Variants in SMAD3 observed in about 807,000 individuals in gnomAD.
SMAD3 encodes MAD homolog 3.
In SMAD3, 12 loss-of-function variants were observed where a neutral mutation model predicts 51.8. The observed-to-expected ratio is 0.23, with a 90% CI of 0.15 to 0.38. The LOEUF (loss-of-function observed/expected upper bound fraction) is 0.38, where lower values mean the gene tolerates loss of function less well. Among genes scored for constraint, SMAD3 ranks in the 10% least tolerant of loss-of-function variants. The pLI is 1.00. For missense variants in SMAD3, 294 were observed against 565.6 expected, an observed-to-expected ratio of 0.52 and a Z score of 4.87; for synonymous variants, 238 against 227.7, an observed-to-expected ratio of 1.05 and a Z score of -0.41.
intron 1 of SMAD3, among the ~76,000 whole-genome samples, chr15:67,126,446 G>A (rs1961390320): frequency 6.6e-6 from 1 of 152,138 alleles, no homozygotes; most frequent in African/African-American, 2.4e-5. Flanking sequence ...AACTCTTGGG[G>A]TACAGTCTGG....
At chr15:67,114,226 C>T (rs971176048) in intron 1 of SMAD3, among the ~76,000 whole-genome samples, 4 of 152,194 alleles carry the variant, frequency 2.6e-5, no homozygotes, top group African/African-American at 9.7e-5. Context: ...GGTCCTCTCT[C>T]TCGCCCACTC....
intron 1 of SMAD3, among the ~76,000 whole-genome samples, chr15:67,143,873 G>C (rs1469398552): frequency 6.6e-6 from 1 of 151,664 alleles, no homozygotes; most frequent in Non-Finnish European, 1.5e-5. Context: ...GGGTTCACAT[G>C]ATTCTCCTGC....
At chr15:67,081,678 C>A (rs750877060) in intron 1 of SMAD3, among the ~76,000 whole-genome samples, 4 of 152,148 alleles carry the variant, frequency 2.6e-5, no homozygotes, top group African/African-American at 4.8e-5. Context: ...AGGGTGGCCA[C>A]AACTGTTGCA....
chr15:67,130,594 C>A (rs1009658819), intron 1 of SMAD3, among the ~76,000 whole-genome samples: 5 of 152,170 alleles, frequency 3.3e-5, no homozygotes, highest in East Asian at 1.9e-4. Context: ...AACATCCCCC[C>A]CAACCCTCAT....
At chr15:67,144,977 G>T (rs975234035) in intron 1 of SMAD3, among the ~76,000 whole-genome samples, 1 of 152,070 alleles carries the variant, frequency 6.6e-6, no homozygotes, top group African/African-American at 2.4e-5. Flanking sequence ...AAAGCCAGGC[G>T]CACAGGGAGG....
At chr15:67,069,662 G>A (rs1459669687) in intron 1 of SMAD3, among the ~76,000 whole-genome samples, 3 of 152,012 alleles carry the variant, frequency 2.0e-5, no homozygotes, top group Non-Finnish European at 4.4e-5. Flanking sequence ...GAGAATTGAA[G>A]CAAACACTAG....
At chr15:67,142,197 A>ACCCC (rs1230384756) in intron 1 of SMAD3, among the ~76,000 whole-genome samples, 355 of 113,976 alleles carry the variant, frequency 3.1e-3, no homozygotes, top group Admixed American at 7.0e-3. Flanking sequence ...TCTCCTCCCC[A>ACCCC]CACCCCCCCC....
At chr15:67,077,154 G>C (rs1240958735) in intron 1 of SMAD3, among the ~76,000 whole-genome samples, 2 of 151,632 alleles carry the variant, frequency 1.3e-5, no homozygotes, top group African/African-American at 4.8e-5. Context: ...ACCTTGATTT[G>C]TCTTTAAATA....
At chr15:67,132,067 G>T (rs1961539534) in intron 1 of SMAD3, among the ~76,000 whole-genome samples, 1 of 152,164 alleles carries the variant, frequency 6.6e-6, no homozygotes, top group Non-Finnish European at 1.5e-5. Context: ...GACCTGCAGA[G>T]AACCCTGTCC....
At chr15:67,125,509 GGGTGGATGAAGCC>G (rs1460543911) in intron 1 of SMAD3, among the ~76,000 whole-genome samples, 1 of 152,214 alleles carries the variant, frequency 6.6e-6, no homozygotes, top group Non-Finnish European at 1.5e-5. Flanking sequence ...AGCCCACCGT[GGGTGGATGAAGCC>G]GGTGGGAACA....
At chr15:67,123,289 A>G (rs1361425715) in intron 1 of SMAD3, among the ~76,000 whole-genome samples, 1 of 151,786 alleles carries the variant, frequency 6.6e-6, no homozygotes, top group Non-Finnish European at 1.5e-5. Context: ...TGAGGTCAGG[A>G]GTTTGAGACC....
chr15:67,097,946 G>A (rs1960650946), intron 1 of SMAD3, among the ~76,000 whole-genome samples: 1 of 152,162 alleles, frequency 6.6e-6, no homozygotes, highest in Admixed American at 6.5e-5. Flanking sequence ...TGTAGTGTTT[G>A]AAGGTCTTCA....
chr15:67,067,409 T>TTTGATG (rs1386242441), intron 1 of SMAD3, among the ~76,000 whole-genome samples: 1 of 152,172 alleles, frequency 6.6e-6, no homozygotes, highest in Admixed American at 6.5e-5. Context: ...TGTCTCTACC[T>TTTGATG]CTCAGCCTCC....
At chr15:67,174,799 A>C (rs1378185640) in intron 5 of SMAD3, among the ~76,000 whole-genome samples, 4 of 152,224 alleles carry the variant, frequency 2.6e-5, no homozygotes, top group Admixed American at 2.6e-4. Context: ...ACTGTACAAA[A>C]AGAAAGAAAG....
intron 1 of SMAD3, among the ~76,000 whole-genome samples, chr15:67,104,237 T>G (rs1459177686): frequency 2.0e-5 from 3 of 152,134 alleles, no homozygotes; most frequent in Non-Finnish European, 4.4e-5. Flanking sequence ...GCACAATGCT[T>G]GGTATTACAA....
chr15:67,146,368 T>C (rs1961973714), intron 1 of SMAD3, among the ~76,000 whole-genome samples: 1 of 152,196 alleles, frequency 6.6e-6, no homozygotes, highest in Non-Finnish European at 1.5e-5. Context: ...TGCCTACACA[T>C]CATTTGAATA....
chr15:67,186,186 T>C (rs1963218468), intron 7 of SMAD3, among the ~76,000 whole-genome samples: 2 of 152,218 alleles, frequency 1.3e-5, no homozygotes, highest in Admixed American at 1.3e-4. Flanking sequence ...GGATGGGGCC[T>C]AGGGCTGATG....
Position 67,066,368 on chromosome 15 carries a change from C to T in SMAD3, c.206+8C>T, listed in dbSNP as rs1183571536. On this transcript the variant is annotated splice_region_variant and intron_variant, in intron 1 of 8. Coordinates refer to ENST00000327367, the MANE Select transcript of SMAD3 (RefSeq NM_005902.4). ...GTGCATCACCATCCCCAGGTGGGGG[C>T]CCGCCCGGGGGGGACCCGGGGTCAC... The T allele has an allele frequency of 2.5e-6, 4 of 1,610,316 alleles. No individual in the cohort carries two copies. Among genetic ancestry groups the T allele is most frequent in the Admixed American group, 3.3e-5 (2 of 59,872 alleles).
At position 67,190,638 on chromosome 15, in the gene SMAD3, G is replaced by C; in HGVS notation, c.*102G>C. ...TCAACCCATTGTTGTCAAGGAAGAA[G>C]AAATCTTTCTCCCTCAACTGAAGGG... On this transcript the variant is annotated 3_prime_UTR_variant, in exon 9 of 9. Transcript: ENST00000327367. 7.7e-7 allele frequency: 1 copy of C among 1,300,386 alleles called. No homozygotes were observed. The highest frequency in any genetic ancestry group is 1.1e-6 in the Non-Finnish European group (1 of 913,498). 80.6% of individuals were successfully genotyped at this position (1,300,386 alleles called of 1,614,324 possible).
Sources: allele counts gnomAD v4.1 joint callset (sites outside exome capture counted in the v4.1 genomes callset), GRCh38; gene constraint gnomAD v4.1.1; transcripts MANE v1.5; gene names NCBI Gene and HGNC (gene_info 2026-07-23, HGNC 2026-07-21).